The following MAGI1 variants were observed in gnomAD, a reference collection of about 807,000 sequenced individuals.
The protein encoded by MAGI1 is membrane-associated guanylate kinase, WW and PDZ domain-containing protein 1.
A neutral mutation model predicts 139.9 loss-of-function variants in MAGI1; 58 were observed. The observed-to-expected ratio is 0.41, with a 90% CI of 0.34 to 0.52. The LOEUF is 0.52. MAGI1 is among the 20% of genes least tolerant of loss of function. The pLI is 0.12. For missense variants in MAGI1, 1,874 were observed against 1,901.6 expected (o/e 0.99, Z 0.27); for synonymous variants, 812 against 737.9 (o/e 1.10, Z -1.63).
chr3:65,495,935 G>A (rs575086576), intron 2 of MAGI1, among the ~76,000 whole-genome samples: 35 of 152,218 alleles, frequency 2.3e-4, no homozygotes, highest in African/African-American at 7.0e-4. Context: ...GAAAGCAAGC[G>A]GCAAGATTAC....
chr3:65,476,049 A>T (rs1157787926), intron 4 of MAGI1, among the ~76,000 whole-genome samples: 1 of 151,840 alleles, frequency 6.6e-6, no homozygotes, highest in African/African-American at 2.4e-5. Flanking sequence ...TCATTATGCC[A>T]CTGTCACTTT....
At chr3:65,547,324 ATAAAGGG>A (rs1385944239) in intron 2 of MAGI1, among the ~76,000 whole-genome samples, 15 of 152,214 alleles carry the variant, frequency 9.9e-5, no homozygotes, top group Non-Finnish European at 1.9e-4. Flanking sequence ...TAAAATCTCT[ATAAAGGG>A]TATGACACTA....
intron 1 of MAGI1, among the ~76,000 whole-genome samples, chr3:65,990,182 A>G (rs2066095728): frequency 6.6e-6 from 1 of 152,138 alleles, no homozygotes; most frequent in African/African-American, 2.4e-5. Context: ...GGAGGGAAAG[A>G]AAGAGGTAAT....
intron 1 of MAGI1, among the ~76,000 whole-genome samples, chr3:65,662,001 C>T (rs960645342): frequency 6.6e-6 from 1 of 151,998 alleles, no homozygotes; most frequent in African/African-American, 2.4e-5. Flanking sequence ...CCTGCCTCAG[C>T]CTCCCAAAGT....
At chr3:65,974,407 G>GGATGGATGGGTGGATGGATGGATGGA (rs1256342937) in intron 1 of MAGI1, among the ~76,000 whole-genome samples, 1 of 67,914 alleles carries the variant, frequency 1.5e-5, no homozygotes, top group Non-Finnish European at 2.8e-5. Flanking sequence ...GGGTGGATGG[G>GGATGGATGGGTGGATGGATGGATGGA]TGGATGGATG....
At chr3:65,909,043 G>C (rs2061552276) in intron 1 of MAGI1, among the ~76,000 whole-genome samples, 1 of 152,130 alleles carries the variant, frequency 6.6e-6, no homozygotes, top group African/African-American at 2.4e-5. Context: ...CCAATTCCAT[G>C]CACAATTGGG....
intron 2 of MAGI1, among the ~76,000 whole-genome samples, chr3:65,500,891 A>C (rs2077055138): frequency 6.6e-6 from 1 of 152,218 alleles, no homozygotes; most frequent in African/African-American, 2.4e-5. Context: ...TGTTAAGAAC[A>C]GATCATCATT....
chr3:65,618,029 A>G (rs1210244526), intron 2 of MAGI1, among the ~76,000 whole-genome samples: 1 of 152,218 alleles, frequency 6.6e-6, no homozygotes, highest in Non-Finnish European at 1.5e-5. Flanking sequence ...AACAGGCCCA[A>G]TCTGCAGAAG....
chr3:65,949,099 A>C (rs1351035938), intron 1 of MAGI1, among the ~76,000 whole-genome samples: 1 of 152,190 alleles, frequency 6.6e-6, no homozygotes, highest in African/African-American at 2.4e-5. Context: ...GCACACTTCC[A>C]TTGCTGCCAA....
intron 12 of MAGI1, among the ~76,000 whole-genome samples, chr3:65,407,748 A>C (rs781223313): frequency 2.0e-5 from 3 of 152,192 alleles, no homozygotes; most frequent in Non-Finnish European, 4.4e-5. Flanking sequence ...TTAATAAGTA[A>C]TTCATATTCT....
At chr3:65,501,015 A>G (rs1280868721) in intron 2 of MAGI1, among the ~76,000 whole-genome samples, 1 of 152,194 alleles carries the variant, frequency 6.6e-6, no homozygotes, top group African/African-American at 2.4e-5. Flanking sequence ...GCACAGTAGA[A>G]TGTATTAGTC....
intron 1 of MAGI1, among the ~76,000 whole-genome samples, chr3:65,887,510 T>TA (rs976970559): frequency 6.6e-5 from 10 of 151,746 alleles, no homozygotes; most frequent in East Asian, 3.9e-4. Flanking sequence ...TACTGTGCAT[T>TA]AAAAAAAACT....
intron 14 of MAGI1, among the ~76,000 whole-genome samples, chr3:65,384,519 C>T (rs1943294353): frequency 6.6e-6 from 1 of 152,150 alleles, no homozygotes; most frequent in African/African-American, 2.4e-5. Context: ...GCAGGCGAAT[C>T]GCTTGAGCCC....
chr3:65,893,308 AACATC>A (rs2060839836), intron 1 of MAGI1, among the ~76,000 whole-genome samples: 1 of 152,170 alleles, frequency 6.6e-6, no homozygotes, highest in Non-Finnish European at 1.5e-5. Context: ...GGCAGATACT[AACATC>A]AGATTTACTA....
intron 1 of MAGI1, chr3:65,924,969 C>T (rs1015147392): frequency 5.9e-5 from 9 of 152,166 alleles, no homozygotes; most frequent in African/African-American, 1.7e-4. Context: ...GTCTGTTGAG[C>T]TTTACATATG....
rs952189539 is a variant in MAGI1, at chr3:65,850,703, C to T, written c.313+187293G>A. Among the ~76,000 whole-genome samples, 5 of 152,208 alleles carry T rather than the reference C, an allele frequency of 3.3e-5. No homozygotes were observed. In the East Asian group the frequency reaches 5.8e-4, roughly 18 times the overall value. ...AGCAGTGCTTTAGAAGAAAAGCCAC[C>T]GACACAGAAACAACCAGGATGCAAC... On this transcript the variant is annotated intron_variant, in intron 1 of 22. Transcript: ENST00000402939.
intron 1 of MAGI1, among the ~76,000 whole-genome samples, chr3:65,650,852 A>G (rs1321778204): frequency 1.3e-5 from 2 of 152,228 alleles, no homozygotes; most frequent in Admixed American, 6.5e-5. Context: ...ATAAACTACT[A>G]TACGATTCTT....
chr3:66,011,258 C>A (rs1226631084), intron 1 of MAGI1, among the ~76,000 whole-genome samples: 1 of 152,168 alleles, frequency 6.6e-6, no homozygotes, highest in African/African-American at 2.4e-5. Flanking sequence ...TGAAAGGGAA[C>A]GGCCCAAGTA....
chr3:65,602,564 T>A (rs1016567890), intron 2 of MAGI1, among the ~76,000 whole-genome samples: 1 of 152,086 alleles, frequency 6.6e-6, no homozygotes, highest in Non-Finnish European at 1.5e-5. Flanking sequence ...ATGTGACTAT[T>A]AATGCATATA....
Sources: gnomAD v4.1 joint callset for allele counts (sites outside exome capture counted in the v4.1 genomes callset) on GRCh38, gnomAD v4.1.1 for gene constraint, MANE v1.5 for transcripts, NCBI Gene and HGNC (gene_info 2026-07-23, HGNC 2026-07-21) for gene names.